Variants in BMP7 observed in about 807,000 individuals in gnomAD.
BMP7 encodes the protein bone morphogenetic protein 7.
A neutral mutation model predicts 41.2 loss-of-function variants in BMP7; 12 were observed. The ratio of observed to expected loss-of-function variants is 0.29; its 90% confidence interval spans 0.19 to 0.47. The LOEUF is 0.47. Among genes scored for constraint, BMP7 ranks in the 20% least tolerant of loss-of-function variants. The pLI, the probability that BMP7 is intolerant of heterozygous loss-of-function variation, is 0.99. For missense variants in BMP7, 467 were observed against 606.0 expected (o/e 0.77, Z 2.41); for synonymous variants, 248 against 250.0 (o/e 0.99, Z 0.07).
intron 1 of BMP7, among the ~76,000 whole-genome samples, chr20:57,234,936 A>T (rs930769337): frequency 1.3e-5 from 2 of 152,272 alleles, no homozygotes; most frequent in Non-Finnish European, 2.9e-5. Flanking sequence ...AGCATTCACG[A>T]AGTGTGATGA....
chr20:57,171,589 TG>T lies in BMP7; in HGVS notation c.1147-482del, dbSNP rs1442645215. 6.6e-6 allele frequency among the ~76,000 whole-genome samples: 1 copy of T among 152,112 alleles called. No homozygotes were observed. The highest frequency in any genetic ancestry group is 2.4e-5 in the African/African-American group (1 of 41,394). ...ACCGAGGTAAGACAATAGGGAATAG[TG>T]GGGACTAAGGCAAACTAAGGGAAGA... On this transcript the variant is annotated intron_variant, in intron 6 of 6. Coordinates refer to ENST00000395863, the MANE Select transcript of BMP7 (RefSeq NM_001719.3). This position sits in a 1 kb window ranked among gnomAD's most constrained non-coding sequence, Gnocchi z 4.5.
In BMP7 at chr20:57,259,222, CAT is replaced by C. The variant is rs1378978967; in HGVS notation, c.418+6481_418+6482del. On this transcript the variant is annotated intron_variant, in intron 1 of 6. Coordinates refer to ENST00000395863, the MANE Select transcript of BMP7 (RefSeq NM_001719.3). The surrounding 1 kb of genome is among the most constrained non-coding windows in gnomAD (Gnocchi z 4.7). ...CAGTGAAGCCCCCAATCCCCCACCC[CAT>C]ATATCACCCAGAATTAGCTGCAAAG... 6.6e-6 allele frequency among the ~76,000 whole-genome samples: 1 copy of C among 152,136 alleles called. No individual in the cohort carries two copies. Among genetic ancestry groups the C allele is most frequent in the Non-Finnish European group, 1.5e-5 (1 of 68,024 alleles).
At chr20:57,209,109 C>T (rs1285177330) in intron 2 of BMP7, among the ~76,000 whole-genome samples, 2 of 151,778 alleles carry the variant, frequency 1.3e-5, no homozygotes, top group East Asian at 1.9e-4. Flanking sequence ...ACCCTGAGGT[C>T]GGGAGTTCGA....
rs1004397015 is a variant in BMP7 at position 57,193,173 on chromosome 20, C to T, written c.761-9254G>A. ...TGGTATGCCCATCTGTAAGCACTAG[C>T]GCGTGTACAGACGCCGGTACCCAGC... On this transcript the variant is annotated intron_variant, in intron 3 of 6. Coordinates refer to ENST00000395863, the MANE Select transcript of BMP7 (RefSeq NM_001719.3). 5.3e-5 allele frequency among the ~76,000 whole-genome samples: 8 copies of T among 152,282 alleles called. No individual in the cohort carries two copies. The South Asian group carries it at 8.3e-4, about 16-fold the overall frequency.
intron 1 of BMP7, among the ~76,000 whole-genome samples, chr20:57,237,936 C>T (rs897252243): frequency 2.6e-5 from 4 of 152,312 alleles, no homozygotes; most frequent in African/African-American, 9.6e-5. Context: ...TTTTTTAAAA[C>T]TTTTATTTTT....
intron 3 of BMP7, 112 bp from the exon 4 acceptor site, chr20:57,184,031 C>G: frequency 1.6e-6 from 2 of 1,232,240 alleles, no homozygotes; most frequent in Non-Finnish European, 1.2e-6. Flanking sequence ...CCTTATTCCT[C>G]CATCCAGTAA....
At chr20:57,200,669 G>A (rs935191682) in intron 3 of BMP7, among the ~76,000 whole-genome samples, 1 of 152,160 alleles carries the variant, frequency 6.6e-6, no homozygotes, top group Non-Finnish European at 1.5e-5. Context: ...GGTGGCGGGC[G>A]CCTGTAGTCC....
At chr20:57,190,718 G>A (rs1413295735) in intron 3 of BMP7, among the ~76,000 whole-genome samples, 6 of 152,082 alleles carry the variant, frequency 3.9e-5, no homozygotes, top group Non-Finnish European at 8.8e-5. Context: ...GCTCAGGGCC[G>A]GCCTCCCTGG....
At chr20:57,189,347 G>A (rs544903770) in intron 3 of BMP7, among the ~76,000 whole-genome samples, 18 of 152,282 alleles carry the variant, frequency 1.2e-4, no homozygotes, top group Admixed American at 7.8e-4. Flanking sequence ...ATCCCCAGGC[G>A]CCAGCACCGG....
At chr20:57,179,701 G>C (rs1328483103) in intron 4 of BMP7, among the ~76,000 whole-genome samples, 2 of 152,266 alleles carry the variant, frequency 1.3e-5, no homozygotes, top group Non-Finnish European at 2.9e-5. Context: ...CAGGCACACA[G>C]GCGTACACAC....
intron 1 of BMP7, among the ~76,000 whole-genome samples, chr20:57,253,487 T>A (rs989690892): frequency 1.3e-5 from 2 of 152,340 alleles, no homozygotes; most frequent in South Asian, 2.1e-4. Context: ...AAAGAGAGTT[T>A]TAAAGTTCTC....
At position 57,261,006 on chromosome 20, in the gene BMP7, C is replaced by T. The variant is rs923535305; in HGVS notation, c.418+4699G>A. ...AGGGCACGCTGATTCTTGCAATGGG[C>T]CAAATATGACCTTACCAAATGAGGG... On this transcript the variant is annotated intron_variant, in intron 1 of 6. Transcript: ENST00000395863. The surrounding 1 kb of genome is among the most constrained non-coding windows in gnomAD (Gnocchi z 4.1). Among the ~76,000 whole-genome samples the T allele has an allele frequency of 4.6e-5, 7 of 152,206 alleles. No individual in the cohort carries two copies. Among genetic ancestry groups the T allele is most frequent in the Non-Finnish European group, 7.4e-5 (5 of 67,998 alleles).
At position 57,183,759 on chromosome 20, in the gene BMP7, G is replaced by A; in HGVS notation, c.921C>T (p.Pro307=). 6.2e-7 allele frequency: 1 copy of A among 1,614,168 alleles called. No individual in the cohort carries two copies. Among genetic ancestry groups the A allele is most frequent in the South Asian group, 1.1e-5 (1 of 91,084 alleles). The change falls in exon 4 of 7, where the codon CCC becomes CCT. Residue 307 remains proline (P), a synonymous_variant. Transcript: ENST00000395863. The part of the protein sequence containing the change: ...KQRSQNRSKT[P]KNQEALRMAN... Reference sequence around the variant, plus strand: ...CCATCCGCAGGGCTTCCTGGTTCTTGGGCGTCTTGGAGCGGTTCTGGCTGC... The same window carrying A: ...CCATCCGCAGGGCTTCCTGGTTCTTAGGCGTCTTGGAGCGGTTCTGGCTGC...
intron 2 of BMP7, among the ~76,000 whole-genome samples, chr20:57,207,644 T>A (rs1984762006): frequency 6.6e-6 from 1 of 152,164 alleles, no homozygotes; most frequent in African/African-American, 2.4e-5. Context: ...CTACACTTGT[T>A]GACAAGGTGG....
intron 1 of BMP7, among the ~76,000 whole-genome samples, chr20:57,245,980 A>G (rs2123135790): frequency 6.6e-6 from 1 of 152,330 alleles, no homozygotes; most frequent in East Asian, 1.9e-4. Flanking sequence ...TTAAATTTAT[A>G]TAAAGTTTAG....
chr20:57,193,186 G>A (rs1368478142), intron 3 of BMP7, among the ~76,000 whole-genome samples: 1 of 152,160 alleles, frequency 6.6e-6, no homozygotes, highest in African/African-American at 2.4e-5. Flanking sequence ...GTGTACAGAC[G>A]CCGGTACCCA....
chr20:57,187,554 C>CCTCTCT (rs140073062), intron 3 of BMP7, among the ~76,000 whole-genome samples: 10,625 of 143,828 alleles, frequency 0.074, 443 homozygotes, highest in East Asian at 0.12. Flanking sequence ...GGAAGCCTGC[C>CCTCTCT]CTCTCTCTCT....
At chr20:57,175,421 C>A (rs137855019) in intron 4 of BMP7, among the ~76,000 whole-genome samples, 1 of 152,192 alleles carries the variant, frequency 6.6e-6, no homozygotes, top group African/African-American at 2.4e-5. Flanking sequence ...AACCTCAACT[C>A]GTGAGGCCCC....
intron 2 of BMP7, among the ~76,000 whole-genome samples, chr20:57,205,842 C>G (rs6070027): frequency 6.6e-6 from 1 of 151,994 alleles, no homozygotes; most frequent in East Asian, 1.9e-4. Context: ...AACGTGAATG[C>G]GTCAACTCCC....
Sources: allele counts gnomAD v4.1 joint callset (sites outside exome capture counted in the v4.1 genomes callset), GRCh38; gene constraint gnomAD v4.1.1; non-coding constraint Gnocchi (gnomAD v3.1); transcripts MANE v1.5; gene names NCBI Gene and HGNC (gene_info 2026-07-23, HGNC 2026-07-21).